The following CMSS1 variants were observed in gnomAD, a reference collection of about 807,000 sequenced individuals.
CMSS1 encodes cms1 ribosomal small subunit homolog, also known as protein CMSS1.
CMSS1 carries 33 observed loss-of-function variants against 43.5 expected under a neutral mutation model. The observed-to-expected ratio is 0.76, with a 90% CI of 0.57 to 1.01. The LOEUF is 1.01. CMSS1 is among the 50% of genes least tolerant of loss of function. The pLI, the probability that CMSS1 is intolerant of heterozygous loss-of-function variation, is 0.00. For missense variants in CMSS1, 313 were observed against 326.4 expected, an observed-to-expected ratio of 0.96 and a Z score of 0.32; for synonymous variants, 115 against 117.2, an observed-to-expected ratio of 0.98 and a Z score of 0.12.
At chr3:99,966,298 G>A (rs1471021753) in intron 1 of CMSS1, among the ~76,000 whole-genome samples, 2 of 152,218 alleles carry the variant, frequency 1.3e-5, no homozygotes, top group East Asian at 3.9e-4. Context: ...ATCTCCTGGG[G>A]CAAAGCAGCC....
chr3:99,938,074 T>TGTGTGTGCGC (rs1431638787), intron 1 of CMSS1, among the ~76,000 whole-genome samples: 2 of 85,210 alleles, frequency 2.3e-5, no homozygotes, highest in African/African-American at 8.1e-5. Flanking sequence ...TGTGTGTGTG[T>TGTGTGTGCGC]GCGCGCGCGC....
At chr3:99,992,312 C>G (rs1030891301) in intron 1 of CMSS1, among the ~76,000 whole-genome samples, 3 of 152,068 alleles carry the variant, frequency 2.0e-5, no homozygotes, top group African/African-American at 7.2e-5. Flanking sequence ...TTCCTTTTCT[C>G]TACATCCTTG....
intron 2 of CMSS1, among the ~76,000 whole-genome samples, chr3:100,154,227 A>C (rs891351039): frequency 6.6e-6 from 1 of 152,152 alleles, no homozygotes; most frequent in African/African-American, 2.4e-5. Flanking sequence ...AATGGTTTTT[A>C]AGCTTTTTTA....
intron 1 of CMSS1, among the ~76,000 whole-genome samples, chr3:100,086,644 A>C (rs902524411): frequency 6.6e-6 from 1 of 152,242 alleles, no homozygotes; most frequent in Admixed American, 6.5e-5. Flanking sequence ...TTTAGTGTAG[A>C]GCCTCTTTAA....
intron 1 of CMSS1, among the ~76,000 whole-genome samples, chr3:99,873,721 G>T (rs1176960428): frequency 3.3e-5 from 5 of 152,118 alleles, no homozygotes; most frequent in African/African-American, 9.7e-5. Flanking sequence ...AGCCTTTTGA[G>T]AAGGCAAATT....
intron 1 of CMSS1, among the ~76,000 whole-genome samples, chr3:100,064,186 T>C (rs1244498667): frequency 6.6e-6 from 1 of 152,216 alleles, no homozygotes; most frequent in Non-Finnish European, 1.5e-5. Context: ...ATTGTGGGGT[T>C]GTCTTCCGGG....
intron 1 of CMSS1, among the ~76,000 whole-genome samples, chr3:99,976,456 T>C (rs1276825092): frequency 1.3e-5 from 2 of 152,114 alleles, no homozygotes; most frequent in African/African-American, 4.8e-5. Context: ...CCCAAGAGAA[T>C]TGCAGCCAAA....
chr3:100,027,743 A>G (rs1424796324), intron 1 of CMSS1, among the ~76,000 whole-genome samples: 1 of 152,214 alleles, frequency 6.6e-6, no homozygotes, highest in Non-Finnish European at 1.5e-5. Context: ...GAACAGTTTG[A>G]CTTGCTTTCT....
At chr3:100,081,037 G>A (rs1383518368) in intron 1 of CMSS1, among the ~76,000 whole-genome samples, 2 of 152,212 alleles carry the variant, frequency 1.3e-5, no homozygotes, top group Admixed American at 6.5e-5. Context: ...CTTGTGTAAT[G>A]AAGGTGTTAT....
intron 9 of CMSS1, among the ~76,000 whole-genome samples, chr3:100,178,023 G>A (rs754675443): frequency 1.1e-4 from 16 of 152,194 alleles, no homozygotes; most frequent in Admixed American, 3.9e-4. Flanking sequence ...GAAGGCTGAA[G>A]CATGAGAATC....
intron 1 of CMSS1, among the ~76,000 whole-genome samples, chr3:99,996,893 C>T (rs1179283564): frequency 2.0e-5 from 3 of 151,358 alleles, no homozygotes; most frequent in African/African-American, 7.3e-5. Flanking sequence ...ACAGCCAAAC[C>T]ATATCACTGG....
rs925775114 is a variant in CMSS1 at position 99,967,916 on chromosome 3, A to G, written c.64+149873A>G. On this transcript the variant is annotated intron_variant, in intron 1 of 9. Coordinates refer to ENST00000421999, the MANE Select transcript of CMSS1 (RefSeq NM_032359.4). ...GAGAAGGAGTAGGATTTACAAATAG[A>G]TAAGTGCAACGGTATGTGGGAGTGT... 7.9e-5 allele frequency among the ~76,000 whole-genome samples: 12 copies of G among 152,346 alleles called. 1 individual carries two copies. Among genetic ancestry groups the G allele is most frequent in the Non-Finnish European group, 8.8e-5 (6 of 68,040 alleles).
chr3:100,022,331 C>CA (rs1370396008), intron 1 of CMSS1, among the ~76,000 whole-genome samples: 1 of 152,202 alleles, frequency 6.6e-6, no homozygotes, highest in Non-Finnish European at 1.5e-5. Context: ...TGTCCAATAT[C>CA]AGCCCTTGGG....
chr3:99,900,910 C>A (rs1005350074), intron 1 of CMSS1, among the ~76,000 whole-genome samples: 3 of 152,180 alleles, frequency 2.0e-5, no homozygotes, highest in African/African-American at 7.2e-5. Flanking sequence ...TTGGCCTAGG[C>A]CCTAGAGTAT....
intron 1 of CMSS1, among the ~76,000 whole-genome samples, chr3:99,992,373 T>C (rs1402959494): frequency 2.0e-5 from 3 of 152,182 alleles, no homozygotes; most frequent in East Asian, 1.9e-4. Context: ...CTGACTGATA[T>C]AAGGGAGTAT....
intron 1 of CMSS1, among the ~76,000 whole-genome samples, chr3:99,887,839 A>G (rs1245685668): frequency 2.0e-5 from 3 of 151,996 alleles, no homozygotes; most frequent in Non-Finnish European, 2.9e-5. Flanking sequence ...GGCTCAATTC[A>G]TACTCCCTAC....
chr3:99,883,224 TC>T (rs1331326968), intron 1 of CMSS1, among the ~76,000 whole-genome samples: 1 of 152,200 alleles, frequency 6.6e-6, no homozygotes, highest in East Asian at 1.9e-4. Context: ...ATTTTTTACT[TC>T]CCCAGCAAGT....
intron 2 of CMSS1, among the ~76,000 whole-genome samples, chr3:100,154,830 G>A (rs771470727): frequency 2.0e-5 from 3 of 152,036 alleles, no homozygotes; most frequent in Admixed American, 6.6e-5. Flanking sequence ...AAAGTAGCTA[G>A]GCATGGAGGC....
chr3:100,117,379 A>G (rs1435002903), intron 1 of CMSS1, among the ~76,000 whole-genome samples: 2 of 152,142 alleles, frequency 1.3e-5, no homozygotes, highest in Non-Finnish European at 2.9e-5. Context: ...GATAATTAGT[A>G]AGAGACCGGG....
Sources: gnomAD v4.1 joint callset for allele counts (sites outside exome capture counted in the v4.1 genomes callset) on GRCh38, gnomAD v4.1.1 for gene constraint, MANE v1.5 for transcripts, NCBI Gene and HGNC (gene_info 2026-07-23, HGNC 2026-07-21) for gene names.